Variants in TDP1 observed in about 807,000 individuals in gnomAD.
TDP1 encodes the protein tyrosyl-DNA phosphodiesterase 1.
A neutral mutation model predicts 81.5 loss-of-function variants in TDP1; 64 were observed. That is an observed-to-expected ratio of 0.79 (90% CI 0.64 to 0.97). The LOEUF (loss-of-function observed/expected upper bound fraction) is 0.97, where lower values mean the gene tolerates loss of function less well. Among genes scored for constraint, TDP1 ranks in the 50% least tolerant of loss-of-function variants. The pLI is 0.00. For synonymous variants in TDP1, 256 were observed against 264.3 expected (o/e 0.97, Z 0.30); for missense variants, 723 against 743.8 (o/e 0.97, Z 0.33).
chr14:90,014,611 T>C (rs1034609483), intron 14 of TDP1, among the ~76,000 whole-genome samples: 10 of 152,252 alleles, frequency 6.6e-5, no homozygotes, highest in African/African-American at 2.2e-4. Flanking sequence ...CCTCAGTCTG[T>C]ACATTGTCTC....
intron 11 of TDP1, chr14:89,989,459 T>G (rs569563172): frequency 2.0e-6 from 2 of 977,482 alleles, no homozygotes; most frequent in Admixed American, 6.1e-5. Context: ...GAATTAATAA[T>G]TAATTTTCCA....
At chr14:90,002,725 G>A (rs1362661518) in intron 14 of TDP1, among the ~76,000 whole-genome samples, 2 of 150,842 alleles carry the variant, frequency 1.3e-5, no homozygotes, top group Admixed American at 6.6e-5. Context: ...AAAAAAAGGC[G>A]GGGGATGCTT....
At chr14:90,042,133 T>C (rs1164402317) in intron 16 of TDP1, among the ~76,000 whole-genome samples, 1 of 152,208 alleles carries the variant, frequency 6.6e-6, no homozygotes, top group South Asian at 2.1e-4. Flanking sequence ...TCTACAGTTA[T>C]TTATACAGAG....
At chr14:90,038,358 T>C (rs1285479397) in intron 16 of TDP1, among the ~76,000 whole-genome samples, 1 of 152,222 alleles carries the variant, frequency 6.6e-6, no homozygotes, top group Non-Finnish European at 1.5e-5. Flanking sequence ...CTAAATGGTC[T>C]AACCATTCTC....
intron 15 of TDP1, among the ~76,000 whole-genome samples, chr14:90,021,004 C>G (rs1363132266): frequency 6.6e-6 from 1 of 151,770 alleles, no homozygotes; most frequent in African/African-American, 2.4e-5. Context: ...CCATGTTGGC[C>G]AAGTCTCCAA....
Position 89,971,199 on chromosome 14 carries a change from TGGTGA to T in TDP1, c.685_689del (p.Gly229Ter). 1 of 1,614,056 alleles carries T rather than the reference TGGTGA, an allele frequency of 6.2e-7. No individual in the cohort carries two copies. Among genetic ancestry groups the T allele is most frequent in the Non-Finnish European group, 8.5e-7 (1 of 1,179,932 alleles). On this transcript the variant is annotated frameshift_variant, in exon 6 of 17. Coordinates refer to ENST00000335725, the MANE Select transcript of TDP1 (RefSeq NM_018319.4). LOFTEE classifies it high-confidence loss of function. ...GGAAGAAGCCAATCCTGCTTGTGCA[TGGTGA>T]TAAGCGAGAGGCTAAGGCTCACCTC...
chr14:90,022,877 T>A, intron 15 of TDP1: 3 of 457,830 alleles, frequency 6.6e-6, no homozygotes, highest in Non-Finnish European at 8.6e-6. Flanking sequence ...GTGAGATGCT[T>A]AACTTGTGAA....
intron 16 of TDP1, among the ~76,000 whole-genome samples, chr14:90,040,563 G>A (rs1888261967): frequency 6.6e-6 from 1 of 152,198 alleles, no homozygotes; most frequent in East Asian, 1.9e-4. Flanking sequence ...GAAGCCCTGC[G>A]AGGTTTCATG....
chr14:90,003,179 G>A lies in TDP1; in HGVS notation c.1541+9696G>A, dbSNP rs539845134. Reference sequence around the variant, plus strand: ...TCTCGAACTCCTGACCTTGTGATCCGCCCGCCTTGGCCTCCCAAAGTGCTG... The same window carrying A: ...TCTCGAACTCCTGACCTTGTGATCCACCCGCCTTGGCCTCCCAAAGTGCTG... On this transcript the variant is annotated intron_variant, in intron 14 of 16. Coordinates refer to ENST00000335725, the MANE Select transcript of TDP1 (RefSeq NM_018319.4). Among the ~76,000 whole-genome samples, 329 of 152,218 alleles carry A rather than the reference G, an allele frequency of 2.2e-3. 2 individuals are homozygous for A. Among genetic ancestry groups the A allele is most frequent in the African/African-American group, 7.3e-3 (302 of 41,550 alleles).
At chr14:90,004,128 A>G (rs1377301781) in intron 14 of TDP1, among the ~76,000 whole-genome samples, 1 of 152,162 alleles carries the variant, frequency 6.6e-6, no homozygotes, top group Non-Finnish European at 1.5e-5. Context: ...AGATGACTCA[A>G]GGTCATATTA....
At chr14:90,011,592 A>G (rs1566905890) in intron 14 of TDP1, among the ~76,000 whole-genome samples, 1 of 152,192 alleles carries the variant, frequency 6.6e-6, no homozygotes, top group Non-Finnish European at 1.5e-5. Flanking sequence ...ACTGGGGCAT[A>G]GGGGACTCTT....
At chr14:90,026,763 T>C (rs559509902) in intron 15 of TDP1, among the ~76,000 whole-genome samples, 5,938 of 152,280 alleles carry the variant, frequency 0.039, 372 homozygotes, top group African/African-American at 0.13. Context: ...TCCAGCTTCA[T>C]CCATGTCCCT....
At chr14:89,989,299 G>C in intron 11 of TDP1, 1 of 985,118 alleles carries the variant, frequency 1.0e-6, no homozygotes, top group Non-Finnish European at 1.2e-6. Context: ...AGTGCTAAGA[G>C]CTTGCCGATT....
intron 6 of TDP1, among the ~76,000 whole-genome samples, chr14:89,974,561 A>G (rs1185027114): frequency 1.3e-5 from 2 of 152,118 alleles, no homozygotes; most frequent in South Asian, 2.1e-4. Context: ...AGTTTCACCC[A>G]TGTCATGTGG....
chr14:90,000,672 A>ATAAT (rs1412192305), intron 14 of TDP1, among the ~76,000 whole-genome samples: 8 of 152,198 alleles, frequency 5.3e-5, no homozygotes, highest in Non-Finnish European at 1.2e-4. Flanking sequence ...GGCATGAACT[A>ATAAT]CTGCACCTGG....
intron 6 of TDP1, 89 bp from the exon 7 acceptor site, chr14:89,975,692 A>AG: frequency 8.0e-7 from 1 of 1,253,244 alleles, no homozygotes; most frequent in Non-Finnish European, 1.2e-6. Context: ...TAAAAAAAAA[A>AG]GTTGACCTGA....
At chr14:89,991,661 TCA>T in intron 12 of TDP1, 9 of 984,898 alleles carry the variant, frequency 9.1e-6, no homozygotes, top group Non-Finnish European at 1.1e-5. Context: ...TATATGATCA[TCA>T]CTTACTTTTG....
intron 11 of TDP1, 44 bp from the exon 12 acceptor site, chr14:89,989,673 A>G: frequency 6.8e-7 from 1 of 1,469,038 alleles, no homozygotes; most frequent in Non-Finnish European, 9.5e-7. Context: ...CCTTTTCTTC[A>G]ACATGGTACA....
Position 89,998,404 on chromosome 14 carries a change from A to ATGTATG in TDP1, c.1541+4922_1541+4923insGTATGT, listed in dbSNP as rs1398572562. On this transcript the variant is annotated intron_variant, in intron 14 of 16. Transcript: ENST00000335725. Reference sequence around the variant, plus strand: ...TATATATATATATATATATATATATATATATATATATATATATATGTATGT... The same window carrying ATGTATG: ...TATATATATATATATATATATATATATGTATGTATATATATATATATATATGTATGT... 1.4e-4 allele frequency among the ~76,000 whole-genome samples: 16 copies of ATGTATG among 115,540 alleles called. 1 individual carries two copies. The South Asian group carries it at 1.7e-3, about 13-fold the overall frequency. 75.8% of individuals were successfully genotyped at this position (115,540 alleles called of 152,430 possible).
Sources: allele counts gnomAD v4.1 joint callset (sites outside exome capture counted in the v4.1 genomes callset), GRCh38; gene constraint gnomAD v4.1.1; transcripts MANE v1.5; gene names NCBI Gene and HGNC (gene_info 2026-07-23, HGNC 2026-07-21).